The following PLEKHA5 variants were observed in gnomAD, a reference collection of about 807,000 sequenced individuals.
PLEKHA5 encodes the protein pleckstrin homology domain-containing family A member 5.
A neutral mutation model predicts 181.9 loss-of-function variants in PLEKHA5; 55 were observed. That is an observed-to-expected ratio of 0.30 (90% CI 0.24 to 0.38). The LOEUF (loss-of-function observed/expected upper bound fraction) is 0.38. PLEKHA5 is among the 10% of genes least tolerant of loss of function. The probability of loss-of-function intolerance (pLI) is 1.00; values close to 1 mark genes in which losing one functional copy is unlikely to be tolerated. For synonymous variants in PLEKHA5, 535 were observed against 529.4 expected (o/e 1.01, Z -0.15); for missense variants, 1,432 against 1,549.5 (o/e 0.92, Z 1.27).
chr12:19,361,744 CTG>C (rs1402551769), intron 29 of PLEKHA5, 38 bp downstream of exon 29: 1 of 1,535,628 alleles, frequency 6.5e-7, no homozygotes, highest in Non-Finnish European at 8.9e-7. Context: ...ATTCACAAAA[CTG>C]TGTAACTGCT....
At chr12:19,272,508 G>A (rs2073192808) in intron 10 of PLEKHA5, among the ~76,000 whole-genome samples, 2 of 152,164 alleles carry the variant, frequency 1.3e-5, no homozygotes, top group African/African-American at 4.8e-5. Context: ...GGAGGCCAAG[G>A]TGGGAGGATT....
At chr12:19,282,074 G>T (rs975526164) in intron 11 of PLEKHA5, among the ~76,000 whole-genome samples, 1 of 152,086 alleles carries the variant, frequency 6.6e-6, no homozygotes, top group Non-Finnish European at 1.5e-5. Context: ...GAGCCACTGC[G>T]CCCGGCCCAA....
At chr12:19,354,469 T>G (rs1457427238) in intron 26 of PLEKHA5, among the ~76,000 whole-genome samples, 2 of 138,248 alleles carry the variant, frequency 1.4e-5, no homozygotes, top group Non-Finnish European at 3.1e-5. Flanking sequence ...TTAGTTATTC[T>G]TAAAAAAAAA....
intron 22 of PLEKHA5, among the ~76,000 whole-genome samples, chr12:19,344,193 T>C (rs926195784): frequency 6.6e-6 from 1 of 152,214 alleles, no homozygotes; most frequent in African/African-American, 2.4e-5. Flanking sequence ...TGAGTTTCTT[T>C]TGTTATTTTA....
chr12:19,310,050 AAAT>A (rs1429854383), intron 15 of PLEKHA5, among the ~76,000 whole-genome samples: 12 of 152,218 alleles, frequency 7.9e-5, no homozygotes, highest in Non-Finnish European at 1.5e-4. Flanking sequence ...TATTATTATG[AAAT>A]AATCTGCCTT....
intron 3 of PLEKHA5, among the ~76,000 whole-genome samples, chr12:19,198,010 C>A (rs1362814714): frequency 6.6e-6 from 1 of 152,124 alleles, no homozygotes; most frequent in African/African-American, 2.4e-5. Flanking sequence ...GCTCACTTCT[C>A]TCCATCTCTG....
chr12:19,130,383 T>A lies in PLEKHA5; in HGVS notation c.169+253T>A, dbSNP rs2033215374. Among the ~76,000 whole-genome samples, 1 of 150,622 alleles carries A rather than the reference T, an allele frequency of 6.6e-6. No individual in the cohort carries two copies. ...GAGACGGCGCCCTCTTCCTGCGCCT[T>A]CTCCCCCCATCCCAGCCTAGACGAC... On this transcript the variant is annotated intron_variant, in intron 2 of 31. Transcript: ENST00000429027. This position sits in a 1 kb window ranked among gnomAD's most constrained non-coding sequence, Gnocchi z 4.5.
chr12:19,132,348 G>T, intron 2 of PLEKHA5, 45 bp from the exon 3 acceptor site: 1 of 893,174 alleles, frequency 1.1e-6, no homozygotes, highest in Non-Finnish European at 1.8e-6. Context: ...GACTTATTTT[G>T]CTATCATTGA....
At chr12:19,133,420 T>A (rs536160979) in intron 3 of PLEKHA5, among the ~76,000 whole-genome samples, 8,580 of 152,036 alleles carry the variant, frequency 0.056, 311 homozygotes, top group Non-Finnish European at 0.088. Flanking sequence ...ACCTTATTTG[T>A]TCTTTAATTT....
At chr12:19,365,280 T>C (rs765743305) in intron 29 of PLEKHA5, among the ~76,000 whole-genome samples, 13 of 148,858 alleles carry the variant, frequency 8.7e-5, no homozygotes, top group Non-Finnish European at 1.6e-4. Flanking sequence ...GGCAGGAGAA[T>C]GGTGAGAACC....
chr12:19,306,535 G>A, intron 15 of PLEKHA5: 1 of 746,284 alleles, frequency 1.3e-6, no homozygotes, highest in Non-Finnish European at 2.5e-6. Context: ...AGAACGCCGC[G>A]AGCAGCGCCG....
At chr12:19,137,247 G>A (rs2035927909) in intron 3 of PLEKHA5, among the ~76,000 whole-genome samples, 1 of 152,046 alleles carries the variant, frequency 6.6e-6, no homozygotes, top group Non-Finnish European at 1.5e-5. Flanking sequence ...ACGTTGGCCA[G>A]GCTGGTCTCA....
At chr12:19,311,358 A>C (rs922316982) in intron 15 of PLEKHA5, among the ~76,000 whole-genome samples, 1 of 151,662 alleles carries the variant, frequency 6.6e-6, no homozygotes, top group Non-Finnish European at 1.5e-5. Flanking sequence ...GGATCGCTTG[A>C]GCCCAGGAGA....
intron 3 of PLEKHA5, among the ~76,000 whole-genome samples, chr12:19,143,416 T>C (rs1487351052): frequency 6.6e-6 from 1 of 152,212 alleles, no homozygotes; most frequent in African/African-American, 2.4e-5. Flanking sequence ...GTTTTTTTCT[T>C]ATAGAAGCAA....
intron 3 of PLEKHA5, among the ~76,000 whole-genome samples, chr12:19,174,905 C>G (rs1046488782): frequency 6.6e-6 from 1 of 152,210 alleles, no homozygotes; most frequent in Non-Finnish European, 1.5e-5. Flanking sequence ...AGGGAAACTA[C>G]AGCCAGTCTT....
At chr12:19,315,591 G>C (rs1390257665) in intron 16 of PLEKHA5, among the ~76,000 whole-genome samples, 1 of 151,996 alleles carries the variant, frequency 6.6e-6, no homozygotes, top group African/African-American at 2.4e-5. Flanking sequence ...TGTATCTCAT[G>C]GTCTAAATGT....
In PLEKHA5 at chr12:19,135,991, C is replaced by A. The variant is rs1251329928; in HGVS notation, c.227+3541C>A. ...ACCTCCTGGGCTTAAGCGATCCTCCCACCTCAGCCTTACGAGTAGCTGGGA... is the reference window on the plus strand; with the variant it reads ...ACCTCCTGGGCTTAAGCGATCCTCCAACCTCAGCCTTACGAGTAGCTGGGA... On this transcript the variant is annotated intron_variant, in intron 3 of 31. Transcript: ENST00000429027. Among the ~76,000 whole-genome samples the A allele has an allele frequency of 2.0e-5, 3 of 151,546 alleles. No individual in the cohort carries two copies. The South Asian group carries it at 6.3e-4, about 32-fold the overall frequency.
At chr12:19,212,241 C>T (rs1492130) in intron 3 of PLEKHA5, among the ~76,000 whole-genome samples, 127,599 of 151,978 alleles carry the variant, frequency 0.84, 54,989 homozygotes, top group Non-Finnish European at 0.95. Flanking sequence ...TGAGCTGAGG[C>T]GACGGCCACT....
At chr12:19,371,305 C>G (rs564258175) in intron 31 of PLEKHA5, 3 of 152,488 alleles carry the variant, frequency 2.0e-5, no homozygotes, top group Non-Finnish European at 4.4e-5. Context: ...CCACACCCAG[C>G]CTTTTTTCTT....
Sources: gnomAD v4.1 joint callset for allele counts (sites outside exome capture counted in the v4.1 genomes callset) on GRCh38, gnomAD v4.1.1 for gene constraint, Gnocchi (gnomAD v3.1) non-coding constraint, MANE v1.5 for transcripts, NCBI Gene and HGNC (gene_info 2026-07-23, HGNC 2026-07-21) for gene names.